Variants in FBRSL1 observed in about 807,000 individuals in gnomAD.
FBRSL1 encodes the protein fibrosin like 1.
FBRSL1 carries 51 observed loss-of-function variants against 89.6 expected under a neutral mutation model. That is an observed-to-expected ratio of 0.57 (90% CI 0.45 to 0.72). FBRSL1 has a LOEUF of 0.72. Ranked by LOEUF, FBRSL1 falls within the 30% of genes least tolerant of loss-of-function variation. FBRSL1 has a pLI of 0.00. For synonymous variants in FBRSL1, 779 were observed against 681.1 expected (o/e 1.14, Z -2.24); for missense variants, 1,618 against 1,451.8 (o/e 1.11, Z -1.86).
intron 11 of FBRSL1, among the ~76,000 whole-genome samples, chr12:132,573,390 C>A (rs931554316): frequency 2.6e-5 from 4 of 152,134 alleles, no homozygotes; most frequent in Non-Finnish European, 5.9e-5. Context: ...CTTCCGAGGA[C>A]CAGGCACCCC....
In FBRSL1 at chr12:132,583,671, C is replaced by T. The variant is rs1422443596; in HGVS notation, c.2902C>T (p.Pro968Ser). ...GGTGACGGCGGCCGGGCCCCCCACG[C>T]CCCCCGGGCCGCCGCGGAGCCGGAC... ...PLVTAAGPPT[P>S]PGPPRSRTTP... The change falls in exon 19 of 19, where the codon CCC becomes TCC. Residue 968 changes from proline to serine, a missense_variant. By Grantham distance (74) the Pro-to-Ser change is moderately conservative. Coordinates refer to ENST00000680143, the MANE Select transcript of FBRSL1 (RefSeq NM_001367871.1). The T allele has an allele frequency of 8.1e-6, 9 of 1,105,772 alleles. No individual in the cohort carries two copies. Among genetic ancestry groups the T allele is most frequent in the Admixed American group, 5.2e-5 (1 of 19,252 alleles). 68.5% of individuals were successfully genotyped at this position (1,105,772 alleles called of 1,614,324 possible). A position where few individuals can be genotyped will look rare whatever the true frequency, so the allele number is the denominator to read the frequency against.
chr12:132,521,797 C>T (rs1263506886), intron 2 of FBRSL1, among the ~76,000 whole-genome samples: 1 of 152,214 alleles, frequency 6.6e-6, no homozygotes, highest in Non-Finnish European at 1.5e-5. Context: ...GACCATTGCA[C>T]ATTCCCCGGG....
chr12:132,528,983 T>A (rs1363477017), intron 4 of FBRSL1, among the ~76,000 whole-genome samples: 1 of 152,112 alleles, frequency 6.6e-6, no homozygotes, highest in South Asian at 2.1e-4. Context: ...CCGGCCCCCA[T>A]CACCACTGTC....
intron 5 of FBRSL1, among the ~76,000 whole-genome samples, chr12:132,556,154 A>G (rs2038616084): frequency 6.6e-6 from 1 of 152,108 alleles, no homozygotes; most frequent in South Asian, 2.1e-4. Context: ...GAACATCCCT[A>G]TAGGTGGTTC....
At chr12:132,552,614 C>T (rs1254017211) in intron 5 of FBRSL1, 11 of 161,764 alleles carry the variant, frequency 6.8e-5, no homozygotes, top group African/African-American at 2.2e-4. Context: ...GCACTCACCC[C>T]GCGGGACAGA....
At chr12:132,535,718 C>T (rs190388583) in intron 4 of FBRSL1, among the ~76,000 whole-genome samples, 23 of 152,380 alleles carry the variant, frequency 1.5e-4, no homozygotes, top group East Asian at 7.7e-4. Context: ...AGGGGAGGCT[C>T]GCAGGGCCAG....
chr12:132,546,870 C>T lies in FBRSL1; in HGVS notation c.616-1133C>T, dbSNP rs1293154771. On this transcript the variant is annotated intron_variant, in intron 4 of 18. Transcript: ENST00000680143. This position sits in a 1 kb window ranked among gnomAD's most constrained non-coding sequence, Gnocchi z 4.0. ...GCATTTCACACCGTACTGTGAGCTC[C>T]GTCGCTGAACACTCGGCAGCCGCGG... 1.3e-5 allele frequency among the ~76,000 whole-genome samples: 2 copies of T among 152,242 alleles called. No homozygotes were observed. Among genetic ancestry groups the T allele is most frequent in the African/African-American group, 4.8e-5 (2 of 41,468 alleles).
chr12:132,491,133 G>C (rs527956858), intron 1 of FBRSL1, among the ~76,000 whole-genome samples: 11 of 152,372 alleles, frequency 7.2e-5, no homozygotes, highest in African/African-American at 2.4e-4. Context: ...ATTGGGGGCT[G>C]TCTGACAGCA....
intron 14 of FBRSL1, 48 bp downstream of exon 14, chr12:132,574,612 C>G: frequency 6.5e-7 from 1 of 1,531,650 alleles, no homozygotes; most frequent in Non-Finnish European, 8.8e-7. Flanking sequence ...CCGACTCCAG[C>G]CTGGTCGGGC....
chr12:132,507,503 G>A (rs2033826586), intron 1 of FBRSL1: 1 of 890,824 alleles, frequency 1.1e-6, no homozygotes, highest in Non-Finnish European at 1.3e-6. Context: ...CAGGCTAGAA[G>A]GTGCTCTGAA....
intron 1 of FBRSL1, among the ~76,000 whole-genome samples, chr12:132,502,837 T>TCTCCTGTCCCCGCCCC (rs1404785240): frequency 1.3e-5 from 1 of 79,106 alleles, no homozygotes; most frequent in Non-Finnish European, 2.5e-5. Context: ...GTCCTCACCC[T>TCTCCTGTCCCCGCCCC]CTCCTGTCCC....
chr12:132,561,231 T>C (rs1410946509), intron 5 of FBRSL1, among the ~76,000 whole-genome samples: 1 of 152,192 alleles, frequency 6.6e-6, no homozygotes, highest in African/African-American at 2.4e-5. Context: ...ACTCGTCTGC[T>C]AAGTGTAGGG....
rs1172328659 is a variant in FBRSL1 at position 132,551,861 on chromosome 12, G to A, written c.645+3829G>A. On this transcript the variant is annotated intron_variant, in intron 5 of 18. Coordinates refer to ENST00000680143, the MANE Select transcript of FBRSL1 (RefSeq NM_001367871.1). Reference sequence around the variant, plus strand: ...AAAAGTGTGGGGTGAAGAGCGATATGGGACTCCATAGGCAGCCGCCAGGTG... The same window carrying A: ...AAAAGTGTGGGGTGAAGAGCGATATAGGACTCCATAGGCAGCCGCCAGGTG... The A allele has an allele frequency of 2.5e-5, 8 of 325,054 alleles. No homozygotes were observed. The East Asian group carries it at 5.4e-4, about 22-fold the overall frequency. The allele number at this position is 325,054 out of a possible 1,614,324, so 20.1% of individuals were successfully genotyped here. A position where few individuals can be genotyped will look rare whatever the true frequency, so the allele number is the denominator to read the frequency against.
At position 132,533,957 on chromosome 12, in the gene FBRSL1, G is replaced by C. The variant is rs539337355; in HGVS notation, c.615+5969G>C. Among the ~76,000 whole-genome samples the C allele has an allele frequency of 1.1e-4, 17 of 152,324 alleles. No homozygotes were observed. The East Asian group carries it at 3.3e-3, about 29-fold the overall frequency. The stretch of plus-strand genomic sequence containing the variant: ...GCAAGCCTGTGTGTGCAGAACCTGA[G>C]GCGGGTGGGTGCCACTGTGGGAGAG... On this transcript the variant is annotated intron_variant, in intron 4 of 18. Transcript: ENST00000680143.
intron 5 of FBRSL1, among the ~76,000 whole-genome samples, chr12:132,557,523 G>A (rs949682044): frequency 2.0e-5 from 3 of 152,334 alleles, no homozygotes; most frequent in Admixed American, 6.5e-5. Context: ...TTTCGGCCCC[G>A]TTGACCCAGG....
chr12:132,572,223 G>A (rs751193255), intron 9 of FBRSL1, 65 bp from the exon 10 acceptor site: 102 of 1,456,496 alleles, frequency 7.0e-5, no homozygotes, highest in Middle Eastern at 1.7e-4. Context: ...CCAGGTGGGC[G>A]GGGCCCGGGG....
chr12:132,568,950 G>A (rs889269336), intron 6 of FBRSL1, among the ~76,000 whole-genome samples: 2 of 152,086 alleles, frequency 1.3e-5, no homozygotes, highest in Non-Finnish European at 2.9e-5. Flanking sequence ...GGGCAGGGAC[G>A]GCCGCAGCTG....
At chr12:132,500,203 A>G (rs1469269756) in intron 1 of FBRSL1, among the ~76,000 whole-genome samples, 2 of 152,080 alleles carry the variant, frequency 1.3e-5, no homozygotes, top group African/African-American at 2.4e-5. Context: ...ACACCTGCCC[A>G]GTCTGTGGCC....
Position 132,583,816 on chromosome 12 carries a change from C to T in FBRSL1, c.*38C>T, listed in dbSNP as rs991516465. The T allele has an allele frequency of 1.8e-6, 2 of 1,123,382 alleles. No homozygotes were observed. Among genetic ancestry groups the T allele is most frequent in the Non-Finnish European group, 2.2e-6 (2 of 899,624 alleles). The allele number at this position is 1,123,382 out of a possible 1,614,324, so 69.6% of individuals were successfully genotyped here. Reference sequence around the variant, plus strand: ...AGACGCCTCTCCGAGCGGAGCGCACCGCTGTCCGTCTCTCCATCAGTTCCT... The same window carrying T: ...AGACGCCTCTCCGAGCGGAGCGCACTGCTGTCCGTCTCTCCATCAGTTCCT... On this transcript the variant is annotated 3_prime_UTR_variant, in exon 19 of 19. Transcript: ENST00000680143.
Sources: gnomAD v4.1 joint callset for allele counts (sites outside exome capture counted in the v4.1 genomes callset) on GRCh38, gnomAD v4.1.1 for gene constraint, Gnocchi (gnomAD v3.1) non-coding constraint, MANE v1.5 for transcripts, NCBI Gene and HGNC (gene_info 2026-07-23, HGNC 2026-07-21) for gene names.